Variants in RBMS2 observed in about 807,000 individuals in gnomAD.
RBMS2 encodes the protein RNA-binding motif, single-stranded-interacting protein 2.
A neutral mutation model predicts 58.4 loss-of-function variants in RBMS2; 38 were observed. The ratio of observed to expected loss-of-function variants is 0.65; its 90% CI spans 0.50 to 0.85. RBMS2 has a LOEUF of 0.85. RBMS2 is among the 40% of genes least tolerant of loss of function. RBMS2 has a pLI of 0.00. For missense variants in RBMS2, 367 were observed against 503.7 expected (o/e 0.73, Z 2.60); for synonymous variants, 151 against 180.7 (o/e 0.84, Z 1.32).
intron 1 of RBMS2, among the ~76,000 whole-genome samples, chr12:56,544,628 G>A (rs1592367106): frequency 6.6e-6 from 1 of 152,014 alleles, no homozygotes; most frequent in African/African-American, 2.4e-5. Context: ...TTGCTCTGTT[G>A]CCATGCTGTA....
chr12:56,521,502 G>GTTTTTTGTTTTTTTTTTTT (rs1555185431), upstream of RBMS2, among the ~76,000 whole-genome samples: 6 of 73,156 alleles, frequency 8.2e-5, no homozygotes, highest in African/African-American at 3.3e-4. Flanking sequence ...CTCTAACTCT[G>GTTTTTTGTTTTTTTTTTTT]TTTTTTTTTT....
chr12:56,588,320 A>G lies in RBMS2; in HGVS notation c.1089A>G (p.Gln363=), dbSNP rs1367953229. ...ATATGCCGACGGCTGCAGCTATGCA[A>G]GGAGCTTACATCTCCCAGTACACCC... ...GTYMPTAAAM[Q]GAYISQYTPV... is the part of the protein sequence containing the mutation. The change falls in exon 12 of 14, where the codon CAA becomes CAG. Residue 363 remains glutamine (Q), a synonymous_variant. Coordinates refer to ENST00000262031, the MANE Select transcript of RBMS2 (RefSeq NM_002898.4). 1.2e-6 allele frequency: 2 copies of G among 1,613,744 alleles called. No individual in the cohort carries two copies. The highest frequency in any genetic ancestry group is 1.7e-6 in the Non-Finnish European group (2 of 1,179,848).
intron 1 of RBMS2, among the ~76,000 whole-genome samples, chr12:56,561,575 C>T (rs571328433): frequency 5.1e-4 from 78 of 152,082 alleles, no homozygotes; most frequent in African/African-American, 1.5e-3. Flanking sequence ...GGCGTGATCT[C>T]GGCTCACTGC....
At position 56,595,493 on chromosome 12, in the gene RBMS2, A is replaced by G. The variant is rs1283856202; in HGVS notation, c.*6360A>G. ...CCAATGCCACCATTCTAAAACTTAC[A>G]CTCCTTTTCTACCCCTGGTCTTTTC... On this transcript the variant is annotated 3_prime_UTR_variant, in exon 14 of 14. Coordinates refer to ENST00000262031, the MANE Select transcript of RBMS2 (RefSeq NM_002898.4). 6.7e-6 allele frequency: 1 copy of G among 150,242 alleles called. No individual in the cohort carries two copies. The highest frequency in any genetic ancestry group is 2.5e-5 in the African/African-American group (1 of 40,816). The allele number at this position is 150,242 out of a possible 1,614,324, so 9.3% of individuals were successfully genotyped here.
In RBMS2 at chr12:56,589,037, G is replaced by A. The variant is rs571156464; in HGVS notation, c.*6+19G>A. 2.8e-5 allele frequency: 45 copies of A among 1,614,084 alleles called. No homozygotes were observed. In the South Asian group the frequency reaches 4.6e-4, roughly 17 times the overall value. On this transcript the variant is annotated intron_variant, in intron 13 of 13. Transcript: ENST00000262031. ...ACAGTGGGTAAGAACCACATGCTGG[G>A]GGGCAGGGAGGGCTGCACTGGCAGA...
intron 1 of RBMS2, among the ~76,000 whole-genome samples, chr12:56,526,264 G>C (rs1436576853): frequency 6.6e-6 from 1 of 151,904 alleles, no homozygotes; most frequent in Non-Finnish European, 1.5e-5. Context: ...CCGAGATTGT[G>C]CCACTGCACT....
At chr12:56,569,723 A>C (rs1281537682) in intron 3 of RBMS2, among the ~76,000 whole-genome samples, 176 bp from the exon 4 acceptor site, 3 of 152,128 alleles carry the variant, frequency 2.0e-5, no homozygotes, top group Non-Finnish European at 4.4e-5. Flanking sequence ...CACAAAGTAG[A>C]TCACATCTCA....
At chr12:56,576,839 G>A (rs1883194268) in intron 5 of RBMS2, among the ~76,000 whole-genome samples, 1 of 151,702 alleles carries the variant, frequency 6.6e-6, no homozygotes, top group South Asian at 2.1e-4. Flanking sequence ...TCAGGAATTT[G>A]AGACCAGCCT....
In RBMS2 at chr12:56,595,641, G is replaced by C. The variant is rs1279011717; in HGVS notation, c.*6508G>C. On this transcript the variant is annotated 3_prime_UTR_variant, in exon 14 of 14. Coordinates refer to ENST00000262031, the MANE Select transcript of RBMS2 (RefSeq NM_002898.4). ...TCCGTGAGTGGGAAGTGGTAAGCTG[G>C]TGATGGTCCCATATTTGCTATGACA... 1 of 151,944 alleles carries C rather than the reference G, an allele frequency of 6.6e-6. No individual in the cohort carries two copies. The highest frequency in any genetic ancestry group is 1.9e-4 in the East Asian group (1 of 5,190). The allele number at this position is 151,944 out of a possible 1,614,324, so 9.4% of individuals were successfully genotyped here.
At chr12:56,531,747 G>T (rs1965307) in intron 1 of RBMS2, among the ~76,000 whole-genome samples, 1 of 148,376 alleles carries the variant, frequency 6.7e-6, no homozygotes, top group Admixed American at 6.8e-5. Context: ...GAACCTGGGA[G>T]ACAGAGGCTG....
chr12:56,561,673 ATTT>A (rs113897566), intron 1 of RBMS2, among the ~76,000 whole-genome samples: 4 of 129,816 alleles, frequency 3.1e-5, no homozygotes, highest in Admixed American at 8.0e-5. Flanking sequence ...CACCTGGCTA[ATTT>A]TTTTTTTTTT....
At chr12:56,581,917 A>C in intron 8 of RBMS2, 38 bp downstream of exon 8, 1 of 1,604,886 alleles carries the variant, frequency 6.2e-7, no homozygotes, top group Non-Finnish European at 8.5e-7. Context: ...GAAAATGATA[A>C]TGGCCTGTGT....
At chr12:56,560,199 G>A (rs1377746514) in intron 1 of RBMS2, among the ~76,000 whole-genome samples, 1 of 150,212 alleles carries the variant, frequency 6.7e-6, no homozygotes, top group South Asian at 2.1e-4. Flanking sequence ...CCGGCCATAG[G>A]TCATAGTCTT....
At chr12:56,552,679 C>T (rs911214403) in intron 1 of RBMS2, among the ~76,000 whole-genome samples, 2 of 151,850 alleles carry the variant, frequency 1.3e-5, no homozygotes, top group South Asian at 4.2e-4. Flanking sequence ...GGCAACATAG[C>T]GTGTCTCTAC....
chr12:56,521,135 A>C (rs989920662), upstream of RBMS2, among the ~76,000 whole-genome samples: 1 of 152,138 alleles, frequency 6.6e-6, no homozygotes, highest in Non-Finnish European at 1.5e-5. Context: ...GTACATTAAG[A>C]TCACTATAAA....
chr12:56,559,147 A>G (rs1328728157), intron 1 of RBMS2, among the ~76,000 whole-genome samples: 1 of 152,114 alleles, frequency 6.6e-6, no homozygotes, highest in East Asian at 1.9e-4. Context: ...TTCTCAGCTA[A>G]GGATCAATAA....
At chr12:56,529,630 G>T (rs116629395) in intron 1 of RBMS2, among the ~76,000 whole-genome samples, 1 of 152,044 alleles carries the variant, frequency 6.6e-6, no homozygotes, top group South Asian at 2.1e-4. Context: ...AAGAAAAAAG[G>T]ATGGAATACT....
intron 1 of RBMS2, among the ~76,000 whole-genome samples, chr12:56,553,908 T>C (rs1878763259): frequency 6.7e-6 from 1 of 149,948 alleles, no homozygotes; most frequent in African/African-American, 2.4e-5. Context: ...CACTGCAGCC[T>C]CCGCCTCCTG....
At position 56,586,856 on chromosome 12, in the gene RBMS2, C is replaced by T. The variant is rs755088135; in HGVS notation, c.881C>T (p.Thr294Ile). ...SSPVSSYQRV[T>I]QTSPLQVPNP... Reference sequence around the variant, plus strand: ...TGTTTTTGCTTGTTTTAGAGAGTGACTCAGACATCTCCTCTACAAGTACCT... The same window carrying T: ...TGTTTTTGCTTGTTTTAGAGAGTGATTCAGACATCTCCTCTACAAGTACCT... Residue 294 changes from threonine to isoleucine, a missense_variant, in exon 10 of 14, where the codon ACT (threonine) becomes ATT (isoleucine). Around this residue, in one of 3 missense-constraint regions of RBMS2, gnomAD observed 220 missense variants for 261.1 expected, o/e 0.84. Transcript: ENST00000262031. 6.2e-7 allele frequency: 1 copy of T among 1,613,094 alleles called. No individual in the cohort carries two copies. Among genetic ancestry groups the T allele is most frequent in the Non-Finnish European group, 8.5e-7 (1 of 1,179,046 alleles).
Sources: allele counts gnomAD v4.1 joint callset (sites outside exome capture counted in the v4.1 genomes callset), GRCh38; gene constraint gnomAD v4.1.1; regional missense constraint gnomAD v4.1.1; transcripts MANE v1.5; gene names NCBI Gene and HGNC (gene_info 2026-07-23, HGNC 2026-07-21).